The following PTPN12 variants were observed in gnomAD, a reference collection of about 807,000 sequenced individuals.
The protein encoded by PTPN12 is protein tyrosine phosphatase non-receptor type 12, also known as tyrosine-protein phosphatase non-receptor type 12.
A neutral mutation model predicts 97.6 loss-of-function variants in PTPN12; 29 were observed. The observed-to-expected ratio is 0.30, with a 90% CI of 0.22 to 0.41. The LOEUF (loss-of-function observed/expected upper bound fraction) is 0.41. Ranked by LOEUF, PTPN12 falls within the 10% of genes least tolerant of loss-of-function variation. The pLI is 1.00. For synonymous variants in PTPN12, 327 were observed against 300.4 expected (o/e 1.09, Z -0.91); for missense variants, 819 against 926.0 (o/e 0.88, Z 1.50).
Position 77,538,895 on chromosome 7 carries a change from C to T in PTPN12, c.99+1250C>T, listed in dbSNP as rs373522606. 2.6e-5 allele frequency: 4 copies of T among 151,982 alleles called. No homozygotes were observed. The East Asian group carries it at 7.8e-4, about 29-fold the overall frequency. 9.4% of individuals were successfully genotyped at this position (151,982 alleles called of 1,614,324 possible). A position where few individuals can be genotyped will look rare whatever the true frequency, so the allele number is the denominator to read the frequency against. ...AGTGGGACTTTGGGAAGTGGTTGCT[C>T]CTTAGTCTTGGCGGGGGTTGGGAAT... is the stretch of plus-strand genomic sequence containing the variant. On this transcript the variant is annotated intron_variant, in intron 1 of 17. Coordinates refer to ENST00000248594, the MANE Select transcript of PTPN12 (RefSeq NM_002835.4).
chr7:77,602,283 G>A (rs905281715), intron 8 of PTPN12, among the ~76,000 whole-genome samples: 3 of 151,664 alleles, frequency 2.0e-5, no homozygotes, highest in African/African-American at 7.3e-5. Flanking sequence ...TCTGTCATCT[G>A]GTCATTCTCA....
At chr7:77,564,452 A>G (rs1462493368) in intron 1 of PTPN12, among the ~76,000 whole-genome samples, 5 of 152,232 alleles carry the variant, frequency 3.3e-5, no homozygotes, top group Non-Finnish European at 7.4e-5. Flanking sequence ...TTATTTAACA[A>G]TGGTTATTGA....
intron 14 of PTPN12, 91 bp from the exon 15 acceptor site, chr7:77,635,691 A>G: frequency 1.4e-6 from 1 of 736,420 alleles, no homozygotes; most frequent in Non-Finnish European, 2.0e-6. Context: ...TAGTTTCTAA[A>G]ATCTTTAGGA....
intron 1 of PTPN12, among the ~76,000 whole-genome samples, chr7:77,542,414 C>T (rs1170254036): frequency 6.6e-6 from 1 of 152,102 alleles, no homozygotes; most frequent in African/African-American, 2.4e-5. Flanking sequence ...ACTACTGAGT[C>T]TTTTAAGAAA....
At chr7:77,606,788 C>G (rs1426098818) in intron 8 of PTPN12, 1 of 157,072 alleles carries the variant, frequency 6.4e-6, no homozygotes, top group Non-Finnish European at 1.4e-5. Flanking sequence ...ACTGTAGACT[C>G]TACCAGCCCA....
At chr7:77,638,800 C>T in intron 17 of PTPN12, 69 bp downstream of exon 17, 1 of 1,505,284 alleles carries the variant, frequency 6.6e-7, no homozygotes, top group Non-Finnish European at 8.8e-7. Context: ...GCTCATTTGC[C>T]ATTGTGAAAT....
intron 1 of PTPN12, among the ~76,000 whole-genome samples, chr7:77,561,759 TTTAA>T (rs146164614): frequency 0.72 from 107,032 of 149,674 alleles, 39,553 homozygotes; most frequent in East Asian, 0.9. Flanking sequence ...ACTGTATGTT[TTTAA>T]TTAATTAATT....
chr7:77,557,939 G>T (rs994462756), intron 1 of PTPN12, among the ~76,000 whole-genome samples: 3 of 152,080 alleles, frequency 2.0e-5, no homozygotes, highest in Admixed American at 2.0e-4. Context: ...GGCCGGGCGT[G>T]GTGGCTCACA....
intron 15 of PTPN12, chr7:77,636,739 A>G (rs1789607370): frequency 3.8e-6 from 1 of 259,754 alleles, no homozygotes; most frequent in South Asian, 1.0e-4. Flanking sequence ...TACAATAATG[A>G]TATAATTAGT....
At chr7:77,542,189 A>T (rs1406427047) in intron 1 of PTPN12, among the ~76,000 whole-genome samples, 2 of 152,304 alleles carry the variant, frequency 1.3e-5, no homozygotes, top group African/African-American at 4.8e-5. Flanking sequence ...TATTCTACAG[A>T]CCGATAATAG....
chr7:77,557,566 T>C (rs1028904352), intron 1 of PTPN12, among the ~76,000 whole-genome samples: 2 of 152,208 alleles, frequency 1.3e-5, no homozygotes, highest in Non-Finnish European at 2.9e-5. Flanking sequence ...AATGTATTAA[T>C]ACAAAACATT....
Position 77,537,561 on chromosome 7 carries a change from G to T in PTPN12, c.15G>T (p.Glu5Asp), listed in dbSNP as rs1046509537. 1.9e-6 allele frequency: 3 copies of T among 1,599,164 alleles called. No individual in the cohort carries two copies. In the African/African-American group the frequency reaches 4.1e-5, roughly 22 times the overall value. ...GACGCGGGAGGATGGAGCAAGTGGA[G>T]ATCCTGAGGAAATTCATCCAGAGGG... MEQV[E>D]ILRKFIQRVQ... The change falls in exon 1 of 18, where the codon GAG (glutamate) becomes GAT (aspartate). Residue 5 changes from glutamate to aspartate, a missense_variant. By Grantham distance (45) the Glu-to-Asp change is conservative. This residue lies in a region of PTPN12 where 59 missense variants were observed against 42.2 expected (regional missense o/e 1.40). Coordinates refer to ENST00000248594, the MANE Select transcript of PTPN12 (RefSeq NM_002835.4).
chr7:77,549,222 G>A lies in PTPN12; in HGVS notation c.99+11577G>A, dbSNP rs1019625054. 2.6e-5 allele frequency among the ~76,000 whole-genome samples: 4 copies of A among 152,112 alleles called. No homozygotes were observed. In the East Asian group the frequency reaches 7.7e-4, roughly 29 times the overall value. On this transcript the variant is annotated intron_variant, in intron 1 of 17. Transcript: ENST00000248594. ...AAGGGATGGCTTGATAACTAGGCGG[G>A]CAGTCCAAAGAGTGTCTAGTAGAGA...
chr7:77,614,569 TA>T (rs199528956), intron 11 of PTPN12, among the ~76,000 whole-genome samples: 19 of 151,048 alleles, frequency 1.3e-4, no homozygotes, highest in Non-Finnish European at 1.3e-4. Flanking sequence ...GGATAAATAG[TA>T]AAAAAAAACA....
At chr7:77,631,540 T>C (rs1166387041) in intron 13 of PTPN12, among the ~76,000 whole-genome samples, 1 of 152,234 alleles carries the variant, frequency 6.6e-6, no homozygotes, top group Non-Finnish European at 1.5e-5. Context: ...TGTATTCTTA[T>C]ATTTTCTTTC....
chr7:77,578,912 C>G (rs985785433), intron 2 of PTPN12, among the ~76,000 whole-genome samples: 1 of 152,024 alleles, frequency 6.6e-6, no homozygotes, highest in African/African-American at 2.4e-5. Context: ...TTTTGGTAAC[C>G]AAGCAATACC....
At chr7:77,621,737 C>T (rs1423101966) in intron 12 of PTPN12, among the ~76,000 whole-genome samples, 1 of 152,062 alleles carries the variant, frequency 6.6e-6, no homozygotes, top group Non-Finnish European at 1.5e-5. Context: ...GTGTCCTGTA[C>T]GTAATTACAT....
chr7:77,622,855 A>G (rs567218755), intron 12 of PTPN12, among the ~76,000 whole-genome samples: 1 of 152,112 alleles, frequency 6.6e-6, no homozygotes, highest in African/African-American at 2.4e-5. Context: ...CCATTTTCCA[A>G]TAAAATTTCC....
chr7:77,593,370 G>A (rs1451175877), intron 6 of PTPN12, among the ~76,000 whole-genome samples: 2 of 152,156 alleles, frequency 1.3e-5, no homozygotes, highest in African/African-American at 4.8e-5. Context: ...GTGTGCATGT[G>A]TATACATTTA....
Sources: allele counts gnomAD v4.1 joint callset (sites outside exome capture counted in the v4.1 genomes callset), GRCh38; gene constraint gnomAD v4.1.1; regional missense constraint gnomAD v4.1.1; transcripts MANE v1.5; gene names NCBI Gene and HGNC (gene_info 2026-07-23, HGNC 2026-07-21).